The following RCAN1 variants were observed in gnomAD, a reference collection of about 807,000 sequenced individuals.
RCAN1 encodes regulator of calcineurin 1.
RCAN1 carries 11 observed loss-of-function variants against 22.9 expected under a neutral mutation model. The ratio of observed to expected loss-of-function variants is 0.48; its 90% CI spans 0.30 to 0.79. RCAN1 has a LOEUF of 0.79. Ranked by LOEUF, RCAN1 falls within the 30% of genes least tolerant of loss-of-function variation. RCAN1 has a pLI of 0.06. For missense variants in RCAN1, 291 were observed against 337.8 expected (o/e 0.86, Z 1.09); for synonymous variants, 136 against 142.3 (o/e 0.96, Z 0.32).
At chr21:34,610,401 T>TG (rs1363901961) in intron 1 of RCAN1, among the ~76,000 whole-genome samples, 67 of 152,288 alleles carry the variant, frequency 4.4e-4, no homozygotes, top group Admixed American at 9.8e-4. Flanking sequence ...CCCCATCTCC[T>TG]GGTCTGTGGG....
chr21:34,586,618 T>A (rs1487317618), intron 1 of RCAN1, among the ~76,000 whole-genome samples: 2 of 152,170 alleles, frequency 1.3e-5, no homozygotes, highest in African/African-American at 4.8e-5. Flanking sequence ...TACATATTGA[T>A]CTTAAAAAGC....
chr21:34,561,100 C>T (rs1252686871), intron 1 of RCAN1, among the ~76,000 whole-genome samples: 3 of 152,150 alleles, frequency 2.0e-5, no homozygotes, highest in East Asian at 3.8e-4. Context: ...TCCATCCTGC[C>T]GCCCTGTGAA....
intron 3 of RCAN1, 59 bp downstream of exon 3, chr21:34,521,440 G>A (rs772231813): frequency 5.0e-6 from 8 of 1,611,590 alleles, no homozygotes; most frequent in Admixed American, 3.3e-5. Flanking sequence ...ACTGCTCCCT[G>A]GTGCAGGGCA....
intron 1 of RCAN1, among the ~76,000 whole-genome samples, chr21:34,556,292 G>A (rs1009482675): frequency 1.3e-5 from 2 of 150,956 alleles, no homozygotes; most frequent in African/African-American, 4.9e-5. Flanking sequence ...CGGACATGGT[G>A]GTGTGCGCCT....
intron 3 of RCAN1, chr21:34,521,166 C>G: frequency 7.4e-7 from 1 of 1,356,784 alleles, no homozygotes. Context: ...CATCCCTATC[C>G]GGAGCGACAG....
chr21:34,574,144 C>G (rs912755999), intron 1 of RCAN1, among the ~76,000 whole-genome samples: 1 of 152,148 alleles, frequency 6.6e-6, no homozygotes, highest in African/African-American at 2.4e-5. Flanking sequence ...TCAGAATATC[C>G]AAGACAAAGA....
chr21:34,571,777 G>A (rs1194236913), intron 1 of RCAN1, among the ~76,000 whole-genome samples: 3 of 152,076 alleles, frequency 2.0e-5, no homozygotes, highest in Admixed American at 6.6e-5. Context: ...CGAACTCCTG[G>A]GCTCAAGCAA....
intron 1 of RCAN1, chr21:34,526,781 C>T: frequency 6.3e-7 from 1 of 1,598,992 alleles, no homozygotes; most frequent in Non-Finnish European, 8.5e-7. Flanking sequence ...CGCTACAGAC[C>T]CACGCAGTCA....
chr21:34,519,918 A>G (rs540843731), intron 3 of RCAN1, among the ~76,000 whole-genome samples: 1 of 152,288 alleles, frequency 6.6e-6, no homozygotes, highest in South Asian at 2.1e-4. Flanking sequence ...GAAAAAGGCA[A>G]AGGAGCTCAG....
rs138689344 is a variant in RCAN1, at chr21:34,606,301, C to T, written c.252+8459G>A. Among the ~76,000 whole-genome samples, 610 of 152,292 alleles carry T rather than the reference C, an allele frequency of 4.0e-3. 4 individuals carry two copies. The highest frequency in any genetic ancestry group is 8.0e-3 in the African/African-American group (334 of 41,554). ...CTTCCAGCCTCTGCCGCTTGGCAGA[C>T]GGCCCCTTCTCTGCTGTGCTGCCTG... is the stretch of plus-strand genomic sequence containing the variant. On this transcript the variant is annotated intron_variant, in intron 1 of 3. Coordinates refer to ENST00000313806, the MANE Select transcript of RCAN1 (RefSeq NM_004414.7).
intron 1 of RCAN1, among the ~76,000 whole-genome samples, chr21:34,544,510 A>G (rs1483554877): frequency 6.6e-6 from 1 of 152,196 alleles, no homozygotes; most frequent in Non-Finnish European, 1.5e-5. Context: ...TGTTGTGCAC[A>G]TGGTGATTTC....
chr21:34,561,713 G>T (rs1437879423), intron 1 of RCAN1, among the ~76,000 whole-genome samples: 1 of 152,172 alleles, frequency 6.6e-6, no homozygotes, highest in Non-Finnish European at 1.5e-5. Flanking sequence ...AAAAAGAGAA[G>T]CTAAACATGA....
chr21:34,614,286 T>G lies in RCAN1; in HGVS notation c.252+474A>C. 1 of 991,848 alleles carries G rather than the reference T, an allele frequency of 1.0e-6. No individual in the cohort carries two copies. The highest frequency in any genetic ancestry group is 1.1e-4 in the East Asian group (1 of 9,030). 61.4% of individuals were successfully genotyped at this position (991,848 alleles called of 1,614,324 possible). ...CAACCACGGATCCTCACCCAAACAT[T>G]GGCTTTTCTTCCAATAGTGCAGATT... On this transcript the variant is annotated intron_variant, in intron 1 of 3. Coordinates refer to ENST00000313806, the MANE Select transcript of RCAN1 (RefSeq NM_004414.7). The surrounding 1 kb of genome is among the most constrained non-coding windows in gnomAD (Gnocchi z 6.0).
At chr21:34,526,918 G>A in intron 1 of RCAN1, 1 of 1,427,414 alleles carries the variant, frequency 7.0e-7, no homozygotes, top group Middle Eastern at 2.3e-4. Context: ...CATCCTGTTT[G>A]GACAGCAAAT....
chr21:34,580,820 C>T (rs1445840041), intron 1 of RCAN1, among the ~76,000 whole-genome samples: 2 of 152,202 alleles, frequency 1.3e-5, no homozygotes, highest in Non-Finnish European at 2.9e-5. Flanking sequence ...ATCCAGGACC[C>T]TGTGATATCC....
chr21:34,604,871 T>C (rs564741089), intron 1 of RCAN1, among the ~76,000 whole-genome samples: 148 of 152,188 alleles, frequency 9.7e-4, no homozygotes, highest in Non-Finnish European at 1.9e-3. Flanking sequence ...AGGTATTTGT[T>C]GAATAAATGA....
intron 1 of RCAN1, among the ~76,000 whole-genome samples, chr21:34,597,579 G>A (rs1049129932): frequency 1.3e-5 from 2 of 152,120 alleles, no homozygotes; most frequent in African/African-American, 4.8e-5. Flanking sequence ...TCTGTAACAG[G>A]GAAAGTCATC....
intron 1 of RCAN1, among the ~76,000 whole-genome samples, chr21:34,597,560 G>T (rs1383140606): frequency 6.6e-6 from 1 of 152,194 alleles, no homozygotes; most frequent in African/African-American, 2.4e-5. Context: ...GTCTGTTGGG[G>T]TAACTAGGTC....
intron 1 of RCAN1, chr21:34,613,782 C>T (rs891136527): frequency 1.3e-6 from 2 of 1,497,872 alleles, no homozygotes; most frequent in Non-Finnish European, 1.8e-6. Context: ...ATAAATGACA[C>T]TTACATACAC....
Sources: gnomAD v4.1 joint callset for allele counts (sites outside exome capture counted in the v4.1 genomes callset) on GRCh38, gnomAD v4.1.1 for gene constraint, Gnocchi (gnomAD v3.1) non-coding constraint, MANE v1.5 for transcripts, NCBI Gene and HGNC (gene_info 2026-07-23, HGNC 2026-07-21) for gene names.